MAGT1: variants seen among roughly 807,000 people sequenced by gnomAD.
The protein encoded by MAGT1 is dolichyl-diphosphooligosaccharide--protein glycosyltransferase subunit MAGT1.
In MAGT1, 4 loss-of-function variants were observed where a neutral mutation model predicts 28.4. The ratio of observed to expected loss-of-function variants is 0.14; its 90% CI spans 0.07 to 0.32. The LOEUF (loss-of-function observed/expected upper bound fraction) is 0.32. Ranked by LOEUF, MAGT1 falls within the 10% of genes least tolerant of loss-of-function variation. The probability of loss-of-function intolerance (pLI) is 1.00; values close to 1 mark genes in which losing one functional copy is unlikely to be tolerated. For missense variants in MAGT1, 193 were observed against 264.5 expected, an observed-to-expected ratio of 0.73 and a Z score of 1.88; for synonymous variants, 89 against 89.7, an observed-to-expected ratio of 0.99 and a Z score of 0.04.
intron 1 of MAGT1, among the ~76,000 whole-genome samples, chrX:77,892,549 C>T (rs1309295844): frequency 9.0e-6 from 1 of 111,475 alleles, no homozygotes; most frequent in Non-Finnish European, 1.9e-5. Context: ...GTAATCCCAG[C>T]ACTTTGGGAG....
chrX:77,867,474 T>C lies in MAGT1; in HGVS notation c.390+3334A>G, dbSNP rs1273451207. 7.5e-5 allele frequency among the ~76,000 whole-genome samples: 5 copies of C among 66,851 alleles called. 1 individual carries two copies. Among genetic ancestry groups the C allele is most frequent in the African/African-American group, 1.7e-4 (5 of 28,830 alleles). The allele number at this position is 66,851 out of a possible 115,157, so 58.1% of individuals were successfully genotyped here. A position where few individuals can be genotyped will look rare whatever the true frequency, so the allele number is the denominator to read the frequency against. ...AGCTGACCACTGGCCCTCTTTGGAT[T>C]GCCCTATGGGAAATGGGGTTTGGGG... On this transcript the variant is annotated intron_variant, in intron 3 of 9. Coordinates refer to ENST00000618282, the MANE Select transcript of MAGT1 (RefSeq NM_001367916.1).
intron 8 of MAGT1, among the ~76,000 whole-genome samples, chrX:77,833,114 A>G (rs893684444): frequency 8.9e-6 from 1 of 112,256 alleles, no homozygotes; most frequent in African/African-American, 3.2e-5. Context: ...TGGAGTTATT[A>G]CTAAACAGAA....
intron 1 of MAGT1, among the ~76,000 whole-genome samples, chrX:77,878,149 C>G (rs1387346347): frequency 9.5e-6 from 1 of 105,737 alleles, no homozygotes; most frequent in Non-Finnish European, 1.9e-5. Context: ...ATTAGCTGGG[C>G]ATGGTGGCAC....
intron 5 of MAGT1, among the ~76,000 whole-genome samples, chrX:77,855,970 A>G (rs1388876856): frequency 2.7e-5 from 3 of 109,634 alleles, no homozygotes; most frequent in African/African-American, 3.3e-5. Context: ...GGGTTTCACC[A>G]TATTGGCCAG....
chrX:77,887,779 C>T (rs1557219113), intron 1 of MAGT1, among the ~76,000 whole-genome samples: 1 of 112,103 alleles, frequency 8.9e-6, no homozygotes, highest in African/African-American at 3.2e-5. Context: ...GCAATTAATT[C>T]GCAAACAACT....
intron 7 of MAGT1, among the ~76,000 whole-genome samples, chrX:77,845,666 G>A (rs1377228535): frequency 9.0e-6 from 1 of 111,441 alleles, no homozygotes; most frequent in Non-Finnish European, 1.9e-5. Flanking sequence ...TTGCTTGTCT[G>A]TAAAGGATTT....
intron 1 of MAGT1, among the ~76,000 whole-genome samples, chrX:77,876,276 C>G (rs2077035019): frequency 9.9e-6 from 1 of 101,424 alleles, no homozygotes; most frequent in East Asian, 3.0e-4. Context: ...CAAGTGTTGG[C>G]ATTACAGTCA....
intron 1 of MAGT1, among the ~76,000 whole-genome samples, chrX:77,884,312 G>T (rs2077061401): frequency 8.9e-6 from 1 of 112,133 alleles, no homozygotes; most frequent in South Asian, 3.6e-4. Context: ...TCTAAAGCAA[G>T]CCTCTCTTGG....
At chrX:77,873,345 T>A (rs183210900) in intron 2 of MAGT1, among the ~76,000 whole-genome samples, 142 of 112,123 alleles carry the variant, frequency 1.3e-3, no homozygotes, top group African/African-American at 4.4e-3. Flanking sequence ...TGCATGGCTA[T>A]CAGGCTGTCA....
intron 1 of MAGT1, among the ~76,000 whole-genome samples, chrX:77,890,259 A>T: frequency 8.9e-6 from 1 of 112,347 alleles, no homozygotes; most frequent in East Asian, 2.8e-4. Flanking sequence ...GAACAAAACA[A>T]ATTCTTAGTT....
intron 1 of MAGT1, among the ~76,000 whole-genome samples, chrX:77,885,081 G>T (rs995901796): frequency 2.8e-5 from 3 of 106,276 alleles, no homozygotes; most frequent in Non-Finnish European, 5.8e-5. Context: ...AAAAAAAAGA[G>T]AGAGACAGGG....
At chrX:77,858,052 G>A (rs1458883207) in intron 3 of MAGT1, among the ~76,000 whole-genome samples, 1 of 111,654 alleles carries the variant, frequency 9.0e-6, no homozygotes, top group Non-Finnish European at 1.9e-5. Context: ...AGACAACACC[G>A]GAAATACTAA....
At chrX:77,885,905 G>A (rs985965776) in intron 1 of MAGT1, among the ~76,000 whole-genome samples, 7 of 111,242 alleles carry the variant, frequency 6.3e-5, no homozygotes, top group Admixed American at 3.8e-4. Flanking sequence ...GCTTGAACCC[G>A]GGAGGCAGAG....
chrX:77,883,561 T>C (rs1172395002), intron 1 of MAGT1, among the ~76,000 whole-genome samples: 3 of 98,530 alleles, frequency 3.0e-5, no homozygotes, highest in African/African-American at 7.4e-5. Flanking sequence ...TTCTTTTTTT[T>C]TTTTTTTTTT....
At chrX:77,854,179 C>T (rs2076975708) in intron 6 of MAGT1, among the ~76,000 whole-genome samples, 1 of 111,284 alleles carries the variant, frequency 9.0e-6, no homozygotes, top group Non-Finnish European at 1.9e-5. Context: ...TGTACTAATA[C>T]TATGTTTATT....
At chrX:77,857,570 T>C in intron 3 of MAGT1, 73 bp from the exon 4 acceptor site, 1 of 1,136,091 alleles carries the variant, frequency 8.8e-7, no homozygotes, top group Non-Finnish European at 1.2e-6. Flanking sequence ...ATCTTGAAAT[T>C]TAGGCATTTT....
At chrX:77,883,233 C>G (rs1464287277) in intron 1 of MAGT1, among the ~76,000 whole-genome samples, 1 of 104,947 alleles carries the variant, frequency 9.5e-6, no homozygotes, top group East Asian at 2.9e-4. Flanking sequence ...GTCTTTATAG[C>G]AGCATGATTT....
chrX:77,880,311 C>T (rs2077048047), intron 1 of MAGT1, among the ~76,000 whole-genome samples: 2 of 107,078 alleles, frequency 1.9e-5, no homozygotes, highest in African/African-American at 3.4e-5. Context: ...GGGCAGATCA[C>T]GAGGTCAGGA....
intron 1 of MAGT1, among the ~76,000 whole-genome samples, chrX:77,881,510 C>T (rs782171784): frequency 9.6e-6 from 1 of 104,332 alleles, no homozygotes; most frequent in Non-Finnish European, 1.9e-5. Context: ...TGAGAACATG[C>T]GGTGTTAGGT....
Sources: allele counts gnomAD v4.1 joint callset (sites outside exome capture counted in the v4.1 genomes callset), GRCh38; gene constraint gnomAD v4.1.1; transcripts MANE v1.5; gene names NCBI Gene and HGNC (gene_info 2026-07-23, HGNC 2026-07-21).